Variants in CNTN5 observed in about 807,000 individuals in gnomAD.
CNTN5 encodes the protein contactin-5.
In CNTN5, 77 loss-of-function variants were observed where a neutral mutation model predicts 129.1. The observed-to-expected ratio is 0.60, with a 90% CI of 0.50 to 0.72. The LOEUF (loss-of-function observed/expected upper bound fraction) is 0.72, where lower values mean the gene tolerates loss of function less well. Ranked by LOEUF, CNTN5 falls within the 30% of genes least tolerant of loss-of-function variation. The pLI, the probability that CNTN5 is intolerant of heterozygous loss-of-function variation, is 0.00. For missense variants in CNTN5, 1,478 were observed against 1,328.8 expected (o/e 1.11, Z -1.75); for synonymous variants, 509 against 465.6 (o/e 1.09, Z -1.20).
chr11:99,383,994 G>A (rs1940766572), intron 2 of CNTN5, among the ~76,000 whole-genome samples: 1 of 152,134 alleles, frequency 6.6e-6, no homozygotes, highest in African/African-American at 2.4e-5. Context: ...GACCAGGAGG[G>A]TTTTATCCAA....
intron 1 of CNTN5, among the ~76,000 whole-genome samples, chr11:99,174,710 C>A (rs1218239723): frequency 1.3e-5 from 2 of 151,806 alleles, no homozygotes; most frequent in African/African-American, 2.4e-5. Context: ...CACTATTATG[C>A]CCATAATTTA....
rs138842327 is a variant in CNTN5 at position 99,984,930 on chromosome 11, GAGTA to G, written c.878-17100_878-17097del. On this transcript the variant is annotated intron_variant, in intron 8 of 24. Transcript: ENST00000524871. ...CAACCCCTTACAGAAGGGAGCATGTGAGTAAGTGAGTGTGGAATCCTTCCAGCCA... is the reference window on the plus strand; with the variant it reads ...CAACCCCTTACAGAAGGGAGCATGTGAGTGAGTGTGGAATCCTTCCAGCCA... 2.6e-3 allele frequency among the ~76,000 whole-genome samples: 393 copies of G among 152,306 alleles called. 1 individual carries two copies. Among genetic ancestry groups the G allele is most frequent in the African/African-American group, 9.1e-3 (380 of 41,574 alleles).
At chr11:99,422,158 A>C (rs1393973801) in intron 2 of CNTN5, among the ~76,000 whole-genome samples, 1 of 152,178 alleles carries the variant, frequency 6.6e-6, no homozygotes, top group Non-Finnish European at 1.5e-5. Flanking sequence ...AGAACAAGAA[A>C]GAAGAGGTTT....
chr11:99,960,212 T>G (rs1950905635), intron 8 of CNTN5, among the ~76,000 whole-genome samples: 1 of 152,204 alleles, frequency 6.6e-6, no homozygotes, highest in South Asian at 2.1e-4. Context: ...TTTTTAAGTT[T>G]ACTGTTGCTT....
intron 7 of CNTN5, among the ~76,000 whole-genome samples, chr11:99,954,528 T>G (rs890501099): frequency 2.6e-5 from 4 of 152,218 alleles, no homozygotes; most frequent in African/African-American, 9.6e-5. Context: ...TGTATGAAGC[T>G]AAAGGCTGTG....
intron 1 of CNTN5, among the ~76,000 whole-genome samples, chr11:99,142,628 C>A (rs1430243365): frequency 6.6e-6 from 1 of 152,094 alleles, no homozygotes; most frequent in Non-Finnish European, 1.5e-5. Context: ...GACAAGACAG[C>A]CCTGTTCTGT....
At chr11:99,286,461 A>T (rs1434802592) in intron 1 of CNTN5, among the ~76,000 whole-genome samples, 2 of 152,198 alleles carry the variant, frequency 1.3e-5, no homozygotes, top group Non-Finnish European at 1.5e-5. Context: ...CAAGATGGAT[A>T]AGGAGAACGT....
chr11:99,361,433 C>T (rs1477713853), intron 2 of CNTN5, among the ~76,000 whole-genome samples: 1 of 152,048 alleles, frequency 6.6e-6, no homozygotes, highest in Non-Finnish European at 1.5e-5. Context: ...ATAATTGAAC[C>T]TGTGATTTGA....
At position 99,776,742 on chromosome 11, in the gene CNTN5, A is replaced by G. The variant is rs573400337; in HGVS notation, c.56-42802A>G. Among the ~76,000 whole-genome samples the G allele has an allele frequency of 1.5e-4, 22 of 151,136 alleles. No individual in the cohort carries two copies. In the South Asian group the frequency reaches 4.5e-3, roughly 31 times the overall value. On this transcript the variant is annotated intron_variant, in intron 3 of 24. Transcript: ENST00000524871. ...AATCAACTCATGTGGAACACGCTTT[A>G]TTACTGGGTATGAAGGATGGATATC...
At chr11:100,081,083 G>A (rs2137929002) in intron 13 of CNTN5, among the ~76,000 whole-genome samples, 1 of 152,150 alleles carries the variant, frequency 6.6e-6, no homozygotes, top group African/African-American at 2.4e-5. Context: ...TGATTTCAGT[G>A]AAAGCTAACT....
intron 2 of CNTN5, among the ~76,000 whole-genome samples, chr11:99,430,629 G>A (rs1482400029): frequency 6.6e-6 from 1 of 151,466 alleles, no homozygotes; most frequent in Non-Finnish European, 1.5e-5. Flanking sequence ...ATACACACAT[G>A]GAGAGAGAGC....
intron 6 of CNTN5, among the ~76,000 whole-genome samples, chr11:99,857,842 C>A (rs1323210618): frequency 6.6e-6 from 1 of 152,020 alleles, no homozygotes; most frequent in African/African-American, 2.4e-5. Flanking sequence ...CTTTATTGAT[C>A]TCCGTGGCAA....
chr11:100,048,648 T>C (rs1424225503), intron 9 of CNTN5, among the ~76,000 whole-genome samples: 1 of 151,926 alleles, frequency 6.6e-6, no homozygotes, highest in African/African-American at 2.4e-5. Context: ...CATAGAGCAT[T>C]ACAAACTGTA....
chr11:99,766,823 C>T (rs1944772228), intron 3 of CNTN5, among the ~76,000 whole-genome samples: 1 of 151,902 alleles, frequency 6.6e-6, no homozygotes, highest in South Asian at 2.1e-4. Flanking sequence ...ATGACATAGT[C>T]AAGAGCATTT....
intron 3 of CNTN5, among the ~76,000 whole-genome samples, chr11:99,757,726 G>A (rs1944449311): frequency 6.6e-6 from 1 of 152,036 alleles, no homozygotes; most frequent in African/African-American, 2.4e-5. Flanking sequence ...TTTGGATACA[G>A]AACAATCTGA....
chr11:99,101,073 G>A (rs1866709282), intron 1 of CNTN5, among the ~76,000 whole-genome samples: 1 of 152,152 alleles, frequency 6.6e-6, no homozygotes, highest in Non-Finnish European at 1.5e-5. Flanking sequence ...GATAGTGGAA[G>A]GCGAAAGGCA....
At chr11:100,309,565 A>C in intron 21 of CNTN5, 1 of 982,832 alleles carries the variant, frequency 1.0e-6, no homozygotes, top group Non-Finnish European at 1.2e-6. Context: ...TTATGATTGC[A>C]TGTTTAATGT....
intron 3 of CNTN5, among the ~76,000 whole-genome samples, chr11:99,813,003 A>C (rs969323608): frequency 9.3e-6 from 1 of 107,474 alleles, no homozygotes; most frequent in African/African-American, 3.4e-5. Context: ...AACTGGTAAA[A>C]TCTTACCAAT....
chr11:99,797,212 T>C (rs1437299252), intron 3 of CNTN5, among the ~76,000 whole-genome samples: 1 of 152,158 alleles, frequency 6.6e-6, no homozygotes, highest in Non-Finnish European at 1.5e-5. Flanking sequence ...GTGATGAACA[T>C]AGGAGTGCAG....
Sources: allele counts gnomAD v4.1 joint callset (sites outside exome capture counted in the v4.1 genomes callset), GRCh38; gene constraint gnomAD v4.1.1; transcripts MANE v1.5; gene names NCBI Gene and HGNC (gene_info 2026-07-23, HGNC 2026-07-21).